B3GAT2: variants seen among roughly 807,000 people sequenced by gnomAD.
B3GAT2 encodes the protein beta-1,3-glucuronyltransferase 2.
A neutral mutation model predicts 27.8 loss-of-function variants in B3GAT2; 26 were observed. The observed-to-expected ratio is 0.93, with a 90% confidence interval of 0.68 to 1.30. The LOEUF (loss-of-function observed/expected upper bound fraction) is 1.30. B3GAT2 is among the 50% of genes most tolerant of loss of function. B3GAT2 has a pLI of 0.00. For synonymous variants in B3GAT2, 218 were observed against 195.1 expected, an observed-to-expected ratio of 1.12 and a Z score of -0.98; for missense variants, 458 against 459.0, an observed-to-expected ratio of 1.00 and a Z score of 0.02.
chr6:70,907,065 G>A (rs148748887), intron 1 of B3GAT2, among the ~76,000 whole-genome samples: 2 of 152,284 alleles, frequency 1.3e-5, no homozygotes, highest in Non-Finnish European at 2.9e-5. Context: ...AGCAGATACT[G>A]TTCGTTGCCT....
chr6:70,898,479 T>C (rs1214459529), intron 1 of B3GAT2, among the ~76,000 whole-genome samples: 1 of 152,160 alleles, frequency 6.6e-6, no homozygotes, highest in Non-Finnish European at 1.5e-5. Flanking sequence ...TGGCCTTAGA[T>C]GTTAAACATG....
At chr6:70,921,599 T>A (rs1009283195) in intron 1 of B3GAT2, among the ~76,000 whole-genome samples, 1 of 152,204 alleles carries the variant, frequency 6.6e-6, no homozygotes, top group South Asian at 2.1e-4. Context: ...TCTATCTCTG[T>A]CATTTCAGTT....
chr6:70,911,874 G>A (rs1772693640), intron 1 of B3GAT2, among the ~76,000 whole-genome samples: 1 of 152,122 alleles, frequency 6.6e-6, no homozygotes, highest in African/African-American at 2.4e-5. Context: ...TCTCTGGTTA[G>A]CTGTATGCGT....
rs758650135 is a variant in B3GAT2, at chr6:70,956,282, C to G, written c.148G>C (p.Ala50Pro). The change falls in exon 1 of 4, where the codon GCC becomes CCC. Residue 50 changes from alanine to proline, a missense_variant. Coordinates refer to ENST00000230053, the MANE Select transcript of B3GAT2 (RefSeq NM_080742.3). Reference protein sequence around the residue: ...FSPYAVGRGGARLPLRRGGPA... With the variant: ...FSPYAVGRGGPRLPLRRGGPA... ...CCGCCCCTGCGGAGCGGGAGTCGGG[C>G]GCCCCCGCGGCCCACCGCGTAGGGA... 3.7e-6 allele frequency: 6 copies of G among 1,605,864 alleles called. No individual in the cohort carries two copies. The East Asian group carries it at 1.1e-4, about 30-fold the overall frequency.
Position 70,890,543 on chromosome 6 carries a change from T to C in B3GAT2, c.736+3585A>G, listed in dbSNP as rs539476933. ...TTCTTTATAACACTGATTACAATGA[T>C]AATTTGTATAATTACAGCACTCTCC... On this transcript the variant is annotated intron_variant, in intron 2 of 3. Transcript: ENST00000230053. Among the ~76,000 whole-genome samples the C allele has an allele frequency of 9.3e-4, 142 of 152,358 alleles. 1 individual carries two copies. Among genetic ancestry groups the C allele is most frequent in the African/African-American group, 3.2e-3 (135 of 41,576 alleles).
chr6:70,862,316 T>G (rs1203801662), intron 2 of B3GAT2, among the ~76,000 whole-genome samples: 3 of 152,126 alleles, frequency 2.0e-5, no homozygotes, highest in Non-Finnish European at 4.4e-5. Context: ...AACTAAGAAA[T>G]AAATGCAGCT....
chr6:70,856,925 A>G lies in B3GAT2; in HGVS notation c.*4738T>C. 6.2e-7 allele frequency: 1 copy of G among 1,614,002 alleles called. No homozygotes were observed. The highest frequency in any genetic ancestry group is 8.5e-7 in the Non-Finnish European group (1 of 1,179,890). On this transcript the variant is annotated 3_prime_UTR_variant, in exon 4 of 4. Coordinates refer to ENST00000230053, the MANE Select transcript of B3GAT2 (RefSeq NM_080742.3). ...AACATCTGGGGATCTAGATTTATTC[A>G]CTGAGCAAACTACAAAATCAGAAGA...
chr6:70,947,433 T>A (rs1765507967), intron 1 of B3GAT2, among the ~76,000 whole-genome samples: 1 of 151,986 alleles, frequency 6.6e-6, no homozygotes, highest in Non-Finnish European at 1.5e-5. Context: ...GAAACTACCA[T>A]CAGAGAATAC....
At chr6:70,895,390 T>C (rs771935454) in intron 1 of B3GAT2, among the ~76,000 whole-genome samples, 24 of 151,344 alleles carry the variant, frequency 1.6e-4, no homozygotes, top group Non-Finnish European at 3.1e-4. Flanking sequence ...TCAAATACAA[T>C]AGAAATGAAA....
intron 1 of B3GAT2, among the ~76,000 whole-genome samples, chr6:70,896,153 CTACATTTTCACT>C (rs1347413887): frequency 6.6e-6 from 1 of 152,100 alleles, no homozygotes; most frequent in African/African-American, 2.4e-5. Context: ...ACGCCTGTGA[CTACATTTTCACT>C]ACTGGAGAGG....
At chr6:70,927,243 C>A (rs969552714) in intron 1 of B3GAT2, among the ~76,000 whole-genome samples, 1 of 152,146 alleles carries the variant, frequency 6.6e-6, no homozygotes, top group Non-Finnish European at 1.5e-5. Flanking sequence ...TAAAGACCAT[C>A]GATGCTATGA....
intron 2 of B3GAT2, among the ~76,000 whole-genome samples, chr6:70,890,437 G>A (rs557475521): frequency 6.6e-6 from 1 of 152,332 alleles, no homozygotes; most frequent in African/African-American, 2.4e-5. Flanking sequence ...AGGCACAGAA[G>A]ACCTGTATGC....
intron 1 of B3GAT2, among the ~76,000 whole-genome samples, chr6:70,902,632 A>ATATATATG (rs1261529399): frequency 1.4e-5 from 2 of 141,972 alleles, no homozygotes; most frequent in African/African-American, 5.7e-5. Flanking sequence ...ATATATATAT[A>ATATATATG]TATATACACA....
chr6:70,916,075 T>C (rs1017140799), intron 1 of B3GAT2, among the ~76,000 whole-genome samples: 1 of 152,216 alleles, frequency 6.6e-6, no homozygotes, highest in Admixed American at 6.5e-5. Flanking sequence ...TTTTATTTCA[T>C]TGAGCAGTGG....
chr6:70,935,429 G>A (rs1038918306), intron 1 of B3GAT2, among the ~76,000 whole-genome samples: 2 of 151,694 alleles, frequency 1.3e-5, no homozygotes, highest in African/African-American at 4.8e-5. Context: ...ACTCCAGTCT[G>A]GGCAACAGAG....
At position 70,860,311 on chromosome 6, in the gene B3GAT2, C is replaced by CT. The variant is rs2150017972; in HGVS notation, c.*1351dup. On this transcript the variant is annotated 3_prime_UTR_variant, in exon 4 of 4. Coordinates refer to ENST00000230053, the MANE Select transcript of B3GAT2 (RefSeq NM_080742.3). ...GTCTGGAAGCTCATCAGGTCAGACT[C>CT]TCAGCACACAACTGTGGAAATGAAA... The CT allele has an allele frequency of 6.2e-7, 1 of 1,612,608 alleles. No homozygotes were observed. Among genetic ancestry groups the CT allele is most frequent in the East Asian group, 2.2e-5 (1 of 44,846 alleles).
intron 1 of B3GAT2, among the ~76,000 whole-genome samples, chr6:70,898,824 T>C (rs962595338): frequency 2.0e-5 from 3 of 151,882 alleles, no homozygotes; most frequent in South Asian, 4.2e-4. Flanking sequence ...CCAGGTGTGG[T>C]TGGTGGTGTG....
At chr6:70,938,221 G>C (rs1329771119) in intron 1 of B3GAT2, among the ~76,000 whole-genome samples, 1 of 141,094 alleles carries the variant, frequency 7.1e-6, no homozygotes, top group Non-Finnish European at 1.5e-5. Context: ...TCTTCAAGGA[G>C]AACTACAAAC....
At chr6:70,944,235 G>A (rs910509791) in intron 1 of B3GAT2, among the ~76,000 whole-genome samples, 1 of 152,154 alleles carries the variant, frequency 6.6e-6, no homozygotes, top group Non-Finnish European at 1.5e-5. Context: ...AGGACAGTGG[G>A]TGCAGCACAC....
Sources: allele counts gnomAD v4.1 joint callset (sites outside exome capture counted in the v4.1 genomes callset), GRCh38; gene constraint gnomAD v4.1.1; transcripts MANE v1.5; gene names NCBI Gene and HGNC (gene_info 2026-07-23, HGNC 2026-07-21).